Variants in RCAN2 observed in about 807,000 individuals in gnomAD.
RCAN2 encodes regulator of calcineurin 2.
In RCAN2, 9 loss-of-function variants were observed where a neutral mutation model predicts 23.6. The ratio of observed to expected loss-of-function variants is 0.38; its 90% confidence interval spans 0.23 to 0.67. RCAN2 has a LOEUF of 0.67. Among genes scored for constraint, RCAN2 ranks in the 30% least tolerant of loss-of-function variants. The probability of loss-of-function intolerance (pLI) is 0.51; values close to 1 mark genes in which losing one functional copy is unlikely to be tolerated. For missense variants in RCAN2, 273 were observed against 302.3 expected (o/e 0.90, Z 0.72); for synonymous variants, 109 against 115.7 (o/e 0.94, Z 0.37).
intron 2 of RCAN2, among the ~76,000 whole-genome samples, chr6:46,270,035 G>A (rs1481357720): frequency 6.6e-6 from 1 of 152,164 alleles, no homozygotes; most frequent in Admixed American, 6.5e-5. Flanking sequence ...CCATAATTTA[G>A]AGGTAGCGAA....
upstream of RCAN2, chr6:46,491,922 C>T (rs1243693642): frequency 1.3e-5 from 2 of 152,378 alleles, no homozygotes; most frequent in Non-Finnish European, 2.9e-5. Context: ...CGGGGAGCCC[C>T]TGGATGGTCC....
At chr6:46,300,987 C>T (rs1427511808) in intron 2 of RCAN2, among the ~76,000 whole-genome samples, 2 of 150,746 alleles carry the variant, frequency 1.3e-5, no homozygotes, top group Non-Finnish European at 3.0e-5. Context: ...TTTTTAAATC[C>T]GAAGTGCCAA....
intron 2 of RCAN2, among the ~76,000 whole-genome samples, chr6:46,296,512 G>A (rs1224809418): frequency 6.6e-6 from 1 of 151,900 alleles, no homozygotes; most frequent in Non-Finnish European, 1.5e-5. Context: ...CTTCCTTAAG[G>A]TTACATTTAC....
At chr6:46,442,037 A>G (rs1767563036) in intron 2 of RCAN2, among the ~76,000 whole-genome samples, 1 of 152,148 alleles carries the variant, frequency 6.6e-6, no homozygotes, top group Non-Finnish European at 1.5e-5. Context: ...CAAAACTCTG[A>G]CTTTCTCTGG....
chr6:46,303,162 G>T (rs1424536190), intron 2 of RCAN2, among the ~76,000 whole-genome samples: 1 of 151,972 alleles, frequency 6.6e-6, no homozygotes, highest in African/African-American at 2.4e-5. Context: ...AATAGAATGT[G>T]AGAGTTTTCA....
Position 46,258,659 on chromosome 6 carries a change from T to C in RCAN2, c.226-9763A>G, listed in dbSNP as rs930285007. 1.2e-4 allele frequency among the ~76,000 whole-genome samples: 18 copies of C among 152,188 alleles called. 1 individual carries two copies. The highest frequency in any genetic ancestry group is 4.1e-4 in the African/African-American group (17 of 41,444). On this transcript the variant is annotated intron_variant, in intron 2 of 4. Coordinates refer to ENST00000371374, the MANE Select transcript of RCAN2 (RefSeq NM_001251974.2). ...CACACACCTCTCTCAGTGGAGCAAG[T>C]TCCATGATCCATGTTCCAGTCTATT...
chr6:46,317,553 C>G (rs551239361), intron 2 of RCAN2, among the ~76,000 whole-genome samples: 4 of 152,128 alleles, frequency 2.6e-5, no homozygotes, highest in Non-Finnish European at 5.9e-5. Flanking sequence ...GCTCCACCTC[C>G]CCGGTTAAGG....
At chr6:46,439,121 T>C (rs893644098) in intron 2 of RCAN2, among the ~76,000 whole-genome samples, 2 of 152,214 alleles carry the variant, frequency 1.3e-5, no homozygotes, top group African/African-American at 4.8e-5. Context: ...GGAGACAGGA[T>C]TTTCCTCACA....
chr6:46,347,022 C>G (rs1473356233), intron 2 of RCAN2, among the ~76,000 whole-genome samples: 1 of 151,994 alleles, frequency 6.6e-6, no homozygotes, highest in Non-Finnish European at 1.5e-5. Flanking sequence ...ACTACAGGCA[C>G]CCGCCACCAC....
intron 4 of RCAN2, among the ~76,000 whole-genome samples, chr6:46,234,655 C>A (rs1766026634): frequency 6.6e-6 from 1 of 152,258 alleles, no homozygotes; most frequent in African/African-American, 2.4e-5. Flanking sequence ...AAGTCACCAA[C>A]AAGTGCATTG....
intron 2 of RCAN2, among the ~76,000 whole-genome samples, chr6:46,349,747 T>C (rs1764590335): frequency 6.6e-6 from 1 of 152,128 alleles, no homozygotes; most frequent in African/African-American, 2.4e-5. Flanking sequence ...ACCACTGTGG[T>C]TCAAACCATC....
intron 2 of RCAN2, among the ~76,000 whole-genome samples, chr6:46,302,634 G>C (rs1197747992): frequency 6.6e-6 from 1 of 152,016 alleles, no homozygotes; most frequent in Non-Finnish European, 1.5e-5. Context: ...TTCCTGCTTT[G>C]CTACCTTATG....
intron 2 of RCAN2, among the ~76,000 whole-genome samples, chr6:46,255,960 C>G (rs1242041535): frequency 6.6e-6 from 1 of 152,106 alleles, no homozygotes; most frequent in East Asian, 1.9e-4. Flanking sequence ...ATAAGCATTG[C>G]TCAGAGCAAT....
intron 4 of RCAN2, among the ~76,000 whole-genome samples, chr6:46,242,650 A>C (rs964741274): frequency 1.3e-5 from 2 of 152,214 alleles, no homozygotes; most frequent in Non-Finnish European, 1.5e-5. Context: ...ATTCTTTAAC[A>C]TGCAATTAGT....
intron 4 of RCAN2, among the ~76,000 whole-genome samples, chr6:46,237,406 T>C (rs962676340): frequency 2.0e-5 from 3 of 152,174 alleles, no homozygotes; most frequent in African/African-American, 7.2e-5. Context: ...TCCTCTACAT[T>C]CTCATTTTAA....
At chr6:46,227,773 T>G (rs1287105972) in intron 4 of RCAN2, among the ~76,000 whole-genome samples, 1 of 152,224 alleles carries the variant, frequency 6.6e-6, no homozygotes, top group East Asian at 1.9e-4. Context: ...TTTTTTTGTG[T>G]CCCTATCTCC....
intron 2 of RCAN2, among the ~76,000 whole-genome samples, chr6:46,364,389 G>A (rs910874665): frequency 6.6e-6 from 1 of 152,084 alleles, no homozygotes; most frequent in Non-Finnish European, 1.5e-5. Context: ...ATCAGAAAAG[G>A]GAAAAGGCTT....
At chr6:46,279,072 T>C (rs1025885073) in intron 2 of RCAN2, among the ~76,000 whole-genome samples, 1 of 151,376 alleles carries the variant, frequency 6.6e-6, no homozygotes, top group African/African-American at 2.5e-5. Context: ...AGGGGTTAGT[T>C]GGTTTGTTCT....
At chr6:46,353,050 G>A (rs1459915105) in intron 2 of RCAN2, among the ~76,000 whole-genome samples, 7 of 152,212 alleles carry the variant, frequency 4.6e-5, no homozygotes, top group Admixed American at 2.0e-4. Context: ...AGTTAGCTGA[G>A]TCATTCCATG....
Sources: allele counts gnomAD v4.1 joint callset (sites outside exome capture counted in the v4.1 genomes callset), GRCh38; gene constraint gnomAD v4.1.1; transcripts MANE v1.5; gene names NCBI Gene and HGNC (gene_info 2026-07-23, HGNC 2026-07-21).